The following CAMTA1 variants were observed in gnomAD, a reference collection of about 807,000 sequenced individuals.
CAMTA1 encodes the protein calmodulin binding transcription activator 1.
CAMTA1 carries 27 observed loss-of-function variants against 170.9 expected under a neutral mutation model. That is an observed-to-expected ratio of 0.16 (90% CI 0.12 to 0.22). The LOEUF (loss-of-function observed/expected upper bound fraction) is 0.22, where lower values mean the gene tolerates loss of function less well. Ranked by LOEUF, CAMTA1 falls within the 10% of genes least tolerant of loss-of-function variation. The probability of loss-of-function intolerance (pLI) is 1.00; values close to 1 mark genes in which losing one functional copy is unlikely to be tolerated. For synonymous variants in CAMTA1, 833 were observed against 891.5 expected, an observed-to-expected ratio of 0.93 and a Z score of 1.17; for missense variants, 1,619 against 2,217.2, an observed-to-expected ratio of 0.73 and a Z score of 5.42.
chr1:6,945,465 C>T (rs1687413271), intron 3 of CAMTA1, among the ~76,000 whole-genome samples: 1 of 152,116 alleles, frequency 6.6e-6, no homozygotes, highest in Admixed American at 6.5e-5. Context: ...CCTCCCACCT[C>T]AGCCTCCCAA....
chr1:6,942,100 AT>A (rs1214776990), intron 3 of CAMTA1, among the ~76,000 whole-genome samples: 1 of 148,656 alleles, frequency 6.7e-6, no homozygotes, highest in African/African-American at 2.5e-5. Context: ...AAGAAATCTC[AT>A]TTTACAAATG....
At chr1:7,385,549 G>A (rs2087856714) in intron 5 of CAMTA1, among the ~76,000 whole-genome samples, 1 of 152,150 alleles carries the variant, frequency 6.6e-6, no homozygotes, top group Non-Finnish European at 1.5e-5. Context: ...GACAGGCCAG[G>A]GAAGGGCCCT....
intron 7 of CAMTA1, among the ~76,000 whole-genome samples, chr1:7,656,192 C>T (rs2095901740): frequency 6.6e-6 from 1 of 152,218 alleles, no homozygotes; most frequent in Non-Finnish European, 1.5e-5. Flanking sequence ...AAGACGAAGA[C>T]TAAAACACTG....
chr1:7,382,071 T>C (rs1355599448), intron 5 of CAMTA1, among the ~76,000 whole-genome samples: 1 of 152,216 alleles, frequency 6.6e-6, no homozygotes, highest in Admixed American at 6.5e-5. Context: ...CAAGCCATAG[T>C]GCCTGCATTC....
intron 3 of CAMTA1, among the ~76,000 whole-genome samples, chr1:7,046,824 C>T (rs1202985165): frequency 6.6e-6 from 1 of 152,184 alleles, no homozygotes; most frequent in African/African-American, 2.4e-5. Context: ...AGCTTTTCTT[C>T]CAGCTTGTTA....
intron 6 of CAMTA1, among the ~76,000 whole-genome samples, chr1:7,469,224 C>T (rs916881439): frequency 6.6e-6 from 1 of 152,118 alleles, no homozygotes; most frequent in Middle Eastern, 3.2e-3. Flanking sequence ...GACGTGCTAG[C>T]ACCTGCTTTT....
chr1:7,268,629 G>C (rs563760097), intron 5 of CAMTA1, among the ~76,000 whole-genome samples: 1 of 152,022 alleles, frequency 6.6e-6, no homozygotes, highest in African/African-American at 2.4e-5. Flanking sequence ...CTAACAAAGC[G>C]TATAAACAAA....
At chr1:7,060,442 A>C (rs1708033417) in intron 3 of CAMTA1, among the ~76,000 whole-genome samples, 1 of 151,946 alleles carries the variant, frequency 6.6e-6, no homozygotes, top group African/African-American at 2.4e-5. Context: ...TAACTTAGTC[A>C]CCTCTTTAAA....
chr1:7,489,699 A>G (rs765987690), intron 6 of CAMTA1, among the ~76,000 whole-genome samples: 1 of 152,210 alleles, frequency 6.6e-6, no homozygotes, highest in Non-Finnish European at 1.5e-5. Context: ...AGTGGCACGC[A>G]TCCAGCCTCC....
chr1:7,264,551 CA>C (rs2149371014), intron 5 of CAMTA1, among the ~76,000 whole-genome samples: 1 of 151,978 alleles, frequency 6.6e-6, no homozygotes, highest in East Asian at 1.9e-4. Flanking sequence ...TTCAAAACCA[CA>C]AACACTAATA....
intron 4 of CAMTA1, among the ~76,000 whole-genome samples, chr1:7,180,460 C>T (rs1558212595): frequency 6.7e-6 from 1 of 148,508 alleles, no homozygotes; most frequent in Non-Finnish European, 1.5e-5. Flanking sequence ...AACCAATTTC[C>T]ATAAAAGATC....
chr1:7,437,048 T>C (rs1575318958), intron 5 of CAMTA1, among the ~76,000 whole-genome samples: 1 of 151,706 alleles, frequency 6.6e-6, no homozygotes, highest in African/African-American at 2.4e-5. Context: ...CTTGGCCAGG[T>C]GGGACAGGAG....
intron 4 of CAMTA1, among the ~76,000 whole-genome samples, chr1:7,139,061 ATTATTTG>A (rs1558154540): frequency 2.8e-5 from 4 of 142,574 alleles, no homozygotes; most frequent in African/African-American, 1.1e-4. Context: ...ATTTATATTT[ATTATTTG>A]TTTATTTATA....
intron 4 of CAMTA1, among the ~76,000 whole-genome samples, chr1:7,163,851 A>G (rs1466241214): frequency 6.6e-6 from 1 of 152,200 alleles, no homozygotes; most frequent in Non-Finnish European, 1.5e-5. Flanking sequence ...ATATGCTCTT[A>G]GCACCTGTCA....
At chr1:6,950,901 G>A (rs1027769281) in intron 3 of CAMTA1, among the ~76,000 whole-genome samples, 16 of 152,226 alleles carry the variant, frequency 1.1e-4, no homozygotes, top group African/African-American at 3.9e-4. Context: ...CCAGCAGGAG[G>A]TGTCCAGCGT....
chr1:7,020,472 T>G (rs1439282945), intron 3 of CAMTA1, among the ~76,000 whole-genome samples: 1 of 152,220 alleles, frequency 6.6e-6, no homozygotes, highest in Non-Finnish European at 1.5e-5. Context: ...TTTGTGTAAG[T>G]ACACTATGAT....
rs919579039 is a variant in CAMTA1, at chr1:7,425,631, G to C, written c.439-42199G>C. Among the ~76,000 whole-genome samples the C allele has an allele frequency of 1.2e-4, 18 of 151,970 alleles. 1 individual carries two copies. The highest frequency in any genetic ancestry group is 4.4e-4 in the African/African-American group (18 of 41,324). On this transcript the variant is annotated intron_variant, in intron 5 of 22. Coordinates refer to ENST00000303635, the MANE Select transcript of CAMTA1 (RefSeq NM_015215.4). Reference sequence around the variant, plus strand: ...GTCAGAGGAGAGTCAGAGGGGGCAGGAGCAATCCCCCCTCCACCATACTGC... The same window carrying C: ...GTCAGAGGAGAGTCAGAGGGGGCAGCAGCAATCCCCCCTCCACCATACTGC...
chr1:7,362,222 G>T (rs557175985), intron 5 of CAMTA1, among the ~76,000 whole-genome samples: 2 of 152,260 alleles, frequency 1.3e-5, no homozygotes, highest in Non-Finnish European at 2.9e-5. Flanking sequence ...GGCCTGGGTA[G>T]AATTGATGAA....
chr1:7,715,168 G>GC (rs2096599503), intron 11 of CAMTA1, among the ~76,000 whole-genome samples: 1 of 152,152 alleles, frequency 6.6e-6, no homozygotes. Context: ...AAATAAAGAG[G>GC]CCCGGGGGAA....
Sources: gnomAD v4.1 joint callset for allele counts (sites outside exome capture counted in the v4.1 genomes callset) on GRCh38, gnomAD v4.1.1 for gene constraint, MANE v1.5 for transcripts, NCBI Gene and HGNC (gene_info 2026-07-23, HGNC 2026-07-21) for gene names.